Variants in RALB observed in about 807,000 individuals in gnomAD.
The protein encoded by RALB is RAS like proto-oncogene B.
Under a neutral mutation model 21.3 loss-of-function variants are expected in RALB, and 16 were observed. The observed-to-expected ratio is 0.75, with a 90% CI of 0.51 to 1.14. RALB has a LOEUF of 1.14. Ranked by LOEUF, RALB falls within the 50% of genes most tolerant of loss-of-function variation. The probability of loss-of-function intolerance (pLI) is 0.00; values close to 1 mark genes in which losing one functional copy is unlikely to be tolerated. For missense variants in RALB, 161 were observed against 256.2 expected, an observed-to-expected ratio of 0.63 and a Z score of 2.54; for synonymous variants, 93 against 96.1, an observed-to-expected ratio of 0.97 and a Z score of 0.19.
intron 1 of RALB, among the ~76,000 whole-genome samples, chr2:120,247,298 C>A (rs1199412710): frequency 6.6e-6 from 1 of 152,190 alleles, no homozygotes. Flanking sequence ...ATAAGTCCAG[C>A]TAATTAAATA....
upstream of RALB, among the ~76,000 whole-genome samples, chr2:120,250,653 G>A (rs1275995914): frequency 6.6e-6 from 1 of 152,174 alleles, no homozygotes; most frequent in Non-Finnish European, 1.5e-5. Flanking sequence ...GTCCTGCTGG[G>A]GATCTTGTAT....
chr2:120,253,052 C>T, intron 1 of RALB, 72 bp downstream of exon 1: 1 of 901,186 alleles, frequency 1.1e-6, no homozygotes, highest in Non-Finnish European at 1.3e-6. Flanking sequence ...GCCGCACGCC[C>T]GCAGCCTCTT....
intron 1 of RALB, among the ~76,000 whole-genome samples, chr2:120,273,195 T>A (rs1393093799): frequency 2.0e-5 from 3 of 152,152 alleles, no homozygotes; most frequent in Admixed American, 6.5e-5. Flanking sequence ...GTTTAGAGTT[T>A]TTCAAGGATG....
chr2:120,277,588 T>C (rs1689842913), intron 1 of RALB, among the ~76,000 whole-genome samples: 1 of 151,336 alleles, frequency 6.6e-6, no homozygotes, highest in South Asian at 2.1e-4. Flanking sequence ...AAGTGTGTGA[T>C]AGTGTATGGA....
intron 1 of RALB, among the ~76,000 whole-genome samples, chr2:120,275,633 ATGTGTGTGTGTGT>A (rs1037268170): frequency 7.2e-5 from 11 of 151,888 alleles, no homozygotes; most frequent in Non-Finnish European, 1.6e-4. Context: ...TCGCCCAGTG[ATGTGTGTGTGTGT>A]TGTGTGTGTT....
chr2:120,273,950 G>C (rs567713847), intron 1 of RALB, among the ~76,000 whole-genome samples: 1 of 152,300 alleles, frequency 6.6e-6, no homozygotes, highest in South Asian at 2.1e-4. Context: ...GGGAAGTATC[G>C]GGGTGTGTTG....
At chr2:120,243,713 T>C (rs1688927194) in intron 1 of RALB, among the ~76,000 whole-genome samples, 1 of 152,136 alleles carries the variant, frequency 6.6e-6, no homozygotes, top group Non-Finnish European at 1.5e-5. Context: ...ATTTTGCAAA[T>C]AAAAATACAA....
chr2:120,273,129 T>C (rs1689706884), intron 1 of RALB, among the ~76,000 whole-genome samples: 2 of 152,168 alleles, frequency 1.3e-5, no homozygotes, highest in South Asian at 4.1e-4. Flanking sequence ...GACTCGAGGC[T>C]GGCCACATGG....
At chr2:120,244,767 G>A (rs963345622) in intron 1 of RALB, among the ~76,000 whole-genome samples, 8 of 152,188 alleles carry the variant, frequency 5.3e-5, no homozygotes, top group Admixed American at 4.6e-4. Context: ...TCACAGATAT[G>A]ACCTCTGGTT....
At position 120,281,226 on chromosome 2, in the gene RALB, G is replaced by A. The variant is rs540749379; in HGVS notation, c.114+2448G>A. 1.6e-4 allele frequency among the ~76,000 whole-genome samples: 24 copies of A among 152,252 alleles called. No individual in the cohort carries two copies. In the South Asian group the frequency reaches 4.6e-3, roughly 29 times the overall value. On this transcript the variant is annotated intron_variant, in intron 2 of 4. Transcript: ENST00000272519. ...TTGTGGGTGTAGGACACAGGTGCTC[G>A]GATTCTACAAGTTGCCCGCAGGCCC...
intron 1 of RALB, among the ~76,000 whole-genome samples, chr2:120,247,118 C>A (rs1558943263): frequency 6.6e-6 from 1 of 152,050 alleles, no homozygotes; most frequent in Non-Finnish European, 1.5e-5. Flanking sequence ...TGTTCCCGTG[C>A]AGGTTGTGGG....
At chr2:120,251,234 A>G (rs1329158636), upstream of RALB, among the ~76,000 whole-genome samples, 2 of 152,174 alleles carry the variant, frequency 1.3e-5, no homozygotes, top group East Asian at 3.8e-4. Context: ...AAAGGGTACC[A>G]CCACAGCAGG....
intron 1 of RALB, among the ~76,000 whole-genome samples, chr2:120,243,529 T>G (rs957036025): frequency 6.6e-6 from 1 of 152,166 alleles, no homozygotes; most frequent in Admixed American, 6.5e-5. Flanking sequence ...CCAGCTGTCC[T>G]CACTGGGGGA....
chr2:120,286,040 C>A lies in RALB; in HGVS notation c.281C>A (p.Ser94Ter), dbSNP rs1242408164. 1.9e-6 allele frequency: 3 copies of A among 1,613,870 alleles called. No homozygotes were observed. Among genetic ancestry groups the A allele is most frequent in the Non-Finnish European group, 2.5e-6 (3 of 1,180,002 alleles). The change falls in exon 3 of 5, where the codon TCA becomes TAA. Residue 94 changes from serine (S) to a stop codon, truncating the protein, a stop_gained. Transcript: ENST00000272519. LOFTEE classifies it high-confidence loss of function. ...GGGGAAGGGTTTCTTCTTGTGTTCT[C>A]AATCACAGAACATGAATCCTTTACA... is the stretch of plus-strand genomic sequence containing the variant. ...RSGEGFLLVF[S>*]ITEHESFTAT...
At chr2:120,277,878 TGAGTGTGAAA>T (rs1558953736) in intron 1 of RALB, among the ~76,000 whole-genome samples, 2 of 17,830 alleles carry the variant, frequency 1.1e-4, no homozygotes, top group Admixed American at 8.6e-4. Context: ...TGTGAGAACA[TGAGTGTGAAA>T]ATGAGTGTGA....
chr2:120,280,340 G>T (rs920957414), intron 2 of RALB, among the ~76,000 whole-genome samples: 1 of 152,146 alleles, frequency 6.6e-6, no homozygotes, highest in African/African-American at 2.4e-5. Flanking sequence ...TAAAGAAAAT[G>T]TGGCACATAT....
At chr2:120,276,571 C>T (rs1344155779) in intron 1 of RALB, among the ~76,000 whole-genome samples, 1 of 151,858 alleles carries the variant, frequency 6.6e-6, no homozygotes. Context: ...CCATTGCACT[C>T]CAGCCTGGGT....
At chr2:120,248,775 C>T (rs565570598), upstream of RALB, among the ~76,000 whole-genome samples, 1 of 152,272 alleles carries the variant, frequency 6.6e-6, no homozygotes, top group Non-Finnish European at 1.5e-5. Flanking sequence ...TGGACTCACT[C>T]AATCTCCTAC....
At chr2:120,242,332 C>T (rs1048627690) in intron 1 of RALB, among the ~76,000 whole-genome samples, 1 of 152,128 alleles carries the variant, frequency 6.6e-6, no homozygotes, top group African/African-American at 2.4e-5. Flanking sequence ...GATGGCTGCA[C>T]GACACTGGGA....
Sources: gnomAD v4.1 joint callset for allele counts (sites outside exome capture counted in the v4.1 genomes callset) on GRCh38, gnomAD v4.1.1 for gene constraint, MANE v1.5 for transcripts, NCBI Gene and HGNC (gene_info 2026-07-23, HGNC 2026-07-21) for gene names.